IL1RAPL2: variants seen among roughly 807,000 people sequenced by gnomAD.
The protein encoded by IL1RAPL2 is interleukin 1 receptor accessory protein like 2, also known as X-linked interleukin-1 receptor accessory protein-like 2.
Under a neutral mutation model 44.1 loss-of-function variants are expected in IL1RAPL2, and 3 were observed. The ratio of observed to expected loss-of-function variants is 0.07; its 90% confidence interval spans 0.03 to 0.18. The LOEUF is 0.18. Ranked by LOEUF, IL1RAPL2 falls within the 10% of genes least tolerant of loss-of-function variation. IL1RAPL2 has a pLI of 1.00. For missense variants in IL1RAPL2, 391 were observed against 496.4 expected (o/e 0.79, Z 2.02); for synonymous variants, 181 against 178.8 (o/e 1.01, Z -0.10).
chrX:104,675,616 C>T (rs1325052746), intron 2 of IL1RAPL2, among the ~76,000 whole-genome samples: 18 of 110,692 alleles, frequency 1.6e-4, no homozygotes, highest in African/African-American at 6.0e-4. Flanking sequence ...CTATTAGGTC[C>T]ACTTGGTGCA....
chrX:105,653,416 C>G (rs1305462770), intron 6 of IL1RAPL2, among the ~76,000 whole-genome samples: 1 of 111,229 alleles, frequency 9.0e-6, no homozygotes, highest in Admixed American at 9.6e-5. Context: ...GTGTAAGAAT[C>G]CAGGCAAAGA....
chrX:104,714,471 T>A (rs1031512905), intron 2 of IL1RAPL2, among the ~76,000 whole-genome samples: 2 of 110,948 alleles, frequency 1.8e-5, no homozygotes, highest in South Asian at 7.6e-4. Flanking sequence ...TGGGCTTCCC[T>A]CTTCCTTCGG....
At chrX:104,991,738 T>C (rs997376794) in intron 2 of IL1RAPL2, among the ~76,000 whole-genome samples, 9 of 111,570 alleles carry the variant, frequency 8.1e-5, no homozygotes, top group African/African-American at 2.9e-4. Flanking sequence ...ATTTATAAAA[T>C]AGGGTCCCTG....
chrX:105,197,549 G>A (rs782700618), intron 3 of IL1RAPL2, among the ~76,000 whole-genome samples: 6 of 110,904 alleles, frequency 5.4e-5, no homozygotes, highest in East Asian at 2.8e-4. Flanking sequence ...TCCATTCTCC[G>A]CTCTAACCCC....
intron 1 of IL1RAPL2, among the ~76,000 whole-genome samples, chrX:104,618,050 T>C (rs1183799145): frequency 1.8e-5 from 2 of 112,209 alleles, no homozygotes; most frequent in Non-Finnish European, 3.8e-5. Context: ...GTTTTTCTTT[T>C]CCTTTCCCTT....
At chrX:105,612,462 G>T (rs1261056686) in intron 6 of IL1RAPL2, among the ~76,000 whole-genome samples, 1 of 111,842 alleles carries the variant, frequency 8.9e-6, no homozygotes, top group Admixed American at 9.5e-5. Context: ...TAGCCAAATA[G>T]ATGGCTCCAC....
chrX:105,075,676 CT>C (rs2032286216), intron 2 of IL1RAPL2, among the ~76,000 whole-genome samples: 1 of 111,735 alleles, frequency 8.9e-6, no homozygotes, highest in Admixed American at 9.5e-5. Context: ...TGGTCCTGGA[CT>C]TTTTTTGGTT....
intron 2 of IL1RAPL2, among the ~76,000 whole-genome samples, chrX:104,713,981 T>C (rs992366610): frequency 6.3e-5 from 7 of 111,328 alleles, no homozygotes; most frequent in South Asian, 3.7e-4. Flanking sequence ...TAGGGATATA[T>C]ACAAGTTTAG....
chrX:104,739,717 C>T (rs1233127779), intron 2 of IL1RAPL2, among the ~76,000 whole-genome samples: 1 of 111,916 alleles, frequency 8.9e-6, no homozygotes, highest in Non-Finnish European at 1.9e-5. Flanking sequence ...TAAACTACAG[C>T]ACTACTTCTA....
At chrX:105,429,125 G>A (rs866726702) in intron 5 of IL1RAPL2, among the ~76,000 whole-genome samples, 19 of 111,562 alleles carry the variant, frequency 1.7e-4, no homozygotes, top group African/African-American at 6.2e-4. Flanking sequence ...CAAAGAAATC[G>A]TTCACCACTT....
chrX:105,405,931 T>A, intron 5 of IL1RAPL2: 1 of 1,167,926 alleles, frequency 8.6e-7, no homozygotes, highest in East Asian at 3.0e-5. Flanking sequence ...GATGATGATG[T>A]TTTGTTTGTT....
chrX:104,622,338 C>T (rs1929416337), intron 1 of IL1RAPL2, among the ~76,000 whole-genome samples: 1 of 109,324 alleles, frequency 9.1e-6, no homozygotes, highest in South Asian at 3.9e-4. Context: ...AAGGTGTGAA[C>T]AAGGAAGAAA....
chrX:105,531,964 G>A (rs2036640573), intron 6 of IL1RAPL2, among the ~76,000 whole-genome samples: 1 of 111,473 alleles, frequency 9.0e-6, no homozygotes, highest in Admixed American at 9.5e-5. Flanking sequence ...CTATAGCTCT[G>A]TAGTATAATT....
chrX:104,603,883 C>T (rs1013670003), intron 1 of IL1RAPL2, among the ~76,000 whole-genome samples: 3 of 112,024 alleles, frequency 2.7e-5, no homozygotes, highest in African/African-American at 9.7e-5. Flanking sequence ...AAATACTCTT[C>T]AGGATACTAT....
intron 5 of IL1RAPL2, among the ~76,000 whole-genome samples, chrX:105,338,194 A>G (rs935001501): frequency 9.0e-6 from 1 of 111,701 alleles, no homozygotes; most frequent in African/African-American, 3.3e-5. Flanking sequence ...TGATGTTTTC[A>G]TTACCTACAT....
chrX:105,159,986 C>G (rs1029191867), intron 2 of IL1RAPL2, among the ~76,000 whole-genome samples: 2 of 98,012 alleles, frequency 2.0e-5, no homozygotes, highest in Non-Finnish European at 4.1e-5. Flanking sequence ...TAAAGAACCC[C>G]CCCCCCCACT....
chrX:105,118,218 T>C (rs181064894), intron 2 of IL1RAPL2, among the ~76,000 whole-genome samples: 2 of 112,543 alleles, frequency 1.8e-5, no homozygotes, highest in African/African-American at 6.5e-5. Flanking sequence ...TCAAACAATT[T>C]AAATGTGGTC....
chrX:105,205,951 G>C (rs1206755213), intron 3 of IL1RAPL2, among the ~76,000 whole-genome samples: 1 of 110,391 alleles, frequency 9.1e-6, no homozygotes, highest in Non-Finnish European at 1.9e-5. Context: ...TTGGATTGTG[G>C]TGGTAGCTAT....
intron 2 of IL1RAPL2, among the ~76,000 whole-genome samples, chrX:104,960,770 C>T (rs2029990225): frequency 1.8e-5 from 2 of 110,624 alleles, no homozygotes; most frequent in Admixed American, 1.9e-4. Context: ...AGACTACATA[C>T]TGCAATAATT....
Sources: gnomAD v4.1 joint callset for allele counts (sites outside exome capture counted in the v4.1 genomes callset) on GRCh38, gnomAD v4.1.1 for gene constraint, MANE v1.5 for transcripts, NCBI Gene and HGNC (gene_info 2026-07-23, HGNC 2026-07-21) for gene names.